DMD: variants seen among roughly 807,000 people sequenced by gnomAD.
DMD encodes the protein dystrophin.
In DMD, 63 loss-of-function variants were observed where a neutral mutation model predicts 330.1. The ratio of observed to expected loss-of-function variants is 0.19; its 90% CI spans 0.16 to 0.24. DMD has a LOEUF of 0.24. DMD is among the 10% of genes least tolerant of loss of function. The pLI is 1.00. For missense variants in DMD, 3,344 were observed against 2,684.1 expected (o/e 1.25, Z -5.43); for synonymous variants, 1,223 against 959.8 (o/e 1.27, Z -5.07).
chrX:32,469,891 T>A (rs1365035640), intron 22 of DMD, among the ~76,000 whole-genome samples: 1 of 111,109 alleles, frequency 9.0e-6, no homozygotes, highest in Non-Finnish European at 1.9e-5. Context: ...CTATCTCCAG[T>A]TCCATTTACA....
At chrX:31,941,402 A>G (rs2094998435) in intron 45 of DMD, among the ~76,000 whole-genome samples, 2 of 111,368 alleles carry the variant, frequency 1.8e-5, no homozygotes, top group Non-Finnish European at 3.8e-5. Context: ...CTGAAAGTGT[A>G]GAAGTCATCC....
intron 7 of DMD, among the ~76,000 whole-genome samples, chrX:32,736,432 C>G (rs1444874141): frequency 9.0e-6 from 1 of 110,686 alleles, no homozygotes; most frequent in Non-Finnish European, 1.9e-5. Flanking sequence ...ACCCATAGGA[C>G]TATAAATCAT....
chrX:31,372,389 G>A (rs934823611), intron 60 of DMD, among the ~76,000 whole-genome samples: 3 of 111,819 alleles, frequency 2.7e-5, no homozygotes, highest in African/African-American at 9.7e-5. Context: ...ATAAGGAATA[G>A]GTAAGTAATG....
intron 7 of DMD, among the ~76,000 whole-genome samples, chrX:32,783,198 A>G (rs1360203659): frequency 2.1e-5 from 2 of 94,995 alleles, no homozygotes; most frequent in Non-Finnish European, 4.4e-5. Flanking sequence ...ATATATGTAT[A>G]CATATACACA....
intron 1 of DMD, among the ~76,000 whole-genome samples, chrX:33,187,674 A>T (rs2050325391): frequency 8.9e-6 from 1 of 112,117 alleles, no homozygotes. Flanking sequence ...AAGGACCAGT[A>T]ACGAAGAGCT....
intron 4 of DMD, among the ~76,000 whole-genome samples, chrX:32,840,591 T>C (rs1315263827): frequency 1.8e-5 from 2 of 112,319 alleles, no homozygotes; most frequent in South Asian, 3.7e-4. Context: ...TGCGTTTTAC[T>C]GACTTACTCC....
rs190535199 is a variant in DMD, at chrX:31,391,285, G to C, written c.9085-42651C>G. On this transcript the variant is annotated intron_variant, in intron 60 of 78. Transcript: ENST00000357033. ...CCGGCCTCAGCCTCTTAAGTAGCTG[G>C]AAGTACAGACAGGGTTTCACCATGT... 4.5e-5 allele frequency among the ~76,000 whole-genome samples: 5 copies of C among 109,987 alleles called. No individual in the cohort carries two copies. The Admixed American group carries it at 4.8e-4, about 11-fold the overall frequency.
chrX:32,687,084 G>A lies in DMD; in HGVS notation c.960+10786C>T, dbSNP rs772168085. The stretch of plus-strand genomic sequence containing the variant: ...TCCAAATGGATTTGAAATTTCATTT[G>A]TGCTAGAAAGCAATTAAGTGGCCAT... On this transcript the variant is annotated intron_variant, in intron 9 of 78. Transcript: ENST00000357033. Among the ~76,000 whole-genome samples the A allele has an allele frequency of 6.2e-5, 7 of 112,065 alleles. No individual in the cohort carries two copies. In the South Asian group the frequency reaches 2.6e-3, roughly 41 times the overall value.
intron 60 of DMD, among the ~76,000 whole-genome samples, chrX:31,370,917 C>A (rs1309682923): frequency 8.9e-6 from 1 of 111,782 alleles, no homozygotes; most frequent in East Asian, 2.8e-4. Flanking sequence ...TGAGTCAAGT[C>A]CATCCCAAAA....
chrX:31,703,095 G>A (rs1179497391), intron 52 of DMD, among the ~76,000 whole-genome samples: 2 of 110,545 alleles, frequency 1.8e-5, no homozygotes, highest in African/African-American at 6.6e-5. Context: ...ACATCAAGTG[G>A]TCCACCCACC....
At position 33,032,962 on chromosome X, in the gene DMD, G is replaced by C. The variant is rs189966652; in HGVS notation, c.32-12762C>G. Among the ~76,000 whole-genome samples the C allele has an allele frequency of 7.1e-5, 8 of 112,204 alleles. No homozygotes were observed. The East Asian group carries it at 2.0e-3, about 28-fold the overall frequency. On this transcript the variant is annotated intron_variant, in intron 1 of 78. Transcript: ENST00000357033. Reference sequence around the variant, plus strand: ...GAAGGCCAAACATGTTTTCAGCACTGACGGGAAACTTTGCAGTCAGTAAAA... The same window carrying C: ...GAAGGCCAAACATGTTTTCAGCACTCACGGGAAACTTTGCAGTCAGTAAAA...
rs184247043 is a variant in DMD, at chrX:32,920,806, C to T, written c.94-70986G>A. ...CAAATAAATGACAAAATAACATAAT[C>T]ACCCAATATAATAAGTGTTATTGAA... On this transcript the variant is annotated intron_variant, in intron 2 of 78. Transcript: ENST00000357033. 2.0e-4 allele frequency among the ~76,000 whole-genome samples: 22 copies of T among 112,038 alleles called. No individual in the cohort carries two copies. In the East Asian group the frequency reaches 5.9e-3, roughly 30 times the overall value.
At chrX:31,593,880 CTT>C (rs2148149366) in intron 55 of DMD, among the ~76,000 whole-genome samples, 1 of 110,901 alleles carries the variant, frequency 9.0e-6, no homozygotes, top group East Asian at 2.8e-4. Flanking sequence ...AATATAAGCT[CTT>C]ATAAAGTTCA....
chrX:31,983,145 A>G (rs1253778578), intron 44 of DMD, among the ~76,000 whole-genome samples: 1 of 110,296 alleles, frequency 9.1e-6, no homozygotes, highest in Non-Finnish European at 1.9e-5. Flanking sequence ...GAAAGCTTAG[A>G]ATTATTAAGA....
chrX:31,147,449 G>A lies in DMD; in HGVS notation c.10623C>T (p.Ser3541=), dbSNP rs886043051. ...HEHKGLSPLP[S]PPEMMPTSPQ... ...GAGAGGTGGGCATCATTTCAGGAGG[G>A]GACGGCAGTGGGGACAGGCCTTTAT... is the stretch of plus-strand genomic sequence containing the variant. The change falls in exon 75 of 79, where the codon TCC becomes TCT. Residue 3541 remains serine, a synonymous_variant. Coordinates refer to ENST00000357033, the MANE Select transcript of DMD (RefSeq NM_004006.3). 3 of 1,205,009 alleles carry A rather than the reference G, an allele frequency of 2.5e-6. No individual in the cohort carries two copies. Among genetic ancestry groups the A allele is most frequent in the Admixed American group, 2.2e-5 (1 of 45,834 alleles).
chrX:33,125,166 T>C (rs1457239589), intron 1 of DMD, among the ~76,000 whole-genome samples: 1 of 110,267 alleles, frequency 9.1e-6, no homozygotes, highest in Non-Finnish European at 1.9e-5. Context: ...TGAGCCAGGC[T>C]GAAATAATTC....
intron 9 of DMD, among the ~76,000 whole-genome samples, chrX:32,671,798 A>G (rs1212993594): frequency 9.0e-6 from 1 of 111,635 alleles, no homozygotes. Flanking sequence ...TGAGAAGAAA[A>G]TGTAATACCA....
chrX:32,680,462 C>T (rs2062324769), intron 9 of DMD, among the ~76,000 whole-genome samples: 1 of 110,851 alleles, frequency 9.0e-6, no homozygotes, highest in East Asian at 2.9e-4. Flanking sequence ...AAGCCAAAGG[C>T]TGTCTATAAA....
intron 52 of DMD, among the ~76,000 whole-genome samples, chrX:31,703,138 G>C (rs1211012888): frequency 9.0e-6 from 1 of 111,481 alleles, no homozygotes; most frequent in Non-Finnish European, 1.9e-5. Context: ...GAAAATCTTG[G>C]TCTTTCATCA....
Sources: gnomAD v4.1 joint callset for allele counts (sites outside exome capture counted in the v4.1 genomes callset) on GRCh38, gnomAD v4.1.1 for gene constraint, MANE v1.5 for transcripts, NCBI Gene and HGNC (gene_info 2026-07-23, HGNC 2026-07-21) for gene names.